Variants in C1orf87 observed in about 807,000 individuals in gnomAD.
C1orf87 encodes the protein uncharacterized protein C1orf87.
In C1orf87, 58 loss-of-function variants were observed where a neutral mutation model predicts 60.5. That is an observed-to-expected ratio of 0.96 (90% confidence interval 0.78 to 1.19). The LOEUF is 1.19. Ranked by LOEUF, C1orf87 falls within the 50% of genes most tolerant of loss-of-function variation. The pLI, the probability that C1orf87 is intolerant of heterozygous loss-of-function variation, is 0.00. For synonymous variants in C1orf87, 236 were observed against 227.4 expected (o/e 1.04, Z -0.34); for missense variants, 673 against 638.6 (o/e 1.05, Z -0.58).
At chr1:60,061,052 A>T (rs1170571724) in intron 2 of C1orf87, among the ~76,000 whole-genome samples, 3 of 152,030 alleles carry the variant, frequency 2.0e-5, no homozygotes, top group Admixed American at 2.0e-4. Context: ...TTCTATCCAT[A>T]CTCTGAGAGG....
chr1:60,031,726 G>C (rs563063389), intron 7 of C1orf87, among the ~76,000 whole-genome samples: 30 of 152,284 alleles, frequency 2.0e-4, no homozygotes, highest in African/African-American at 7.2e-4. Flanking sequence ...GAGACTCAAA[G>C]AGGTTTAGTA....
chr1:60,068,661 G>A (rs1366078106), intron 2 of C1orf87, among the ~76,000 whole-genome samples: 2 of 152,146 alleles, frequency 1.3e-5, no homozygotes, highest in African/African-American at 4.8e-5. Flanking sequence ...CAGTAATCTT[G>A]TCAATGATGA....
At chr1:60,050,041 C>T (rs1489807688) in intron 3 of C1orf87, among the ~76,000 whole-genome samples, 1 of 152,032 alleles carries the variant, frequency 6.6e-6, no homozygotes, top group Non-Finnish European at 1.5e-5. Flanking sequence ...TGGTATCTTA[C>T]CCATTATTCA....
intron 9 of C1orf87, among the ~76,000 whole-genome samples, chr1:60,004,620 A>G (rs570476850): frequency 8.3e-4 from 126 of 152,170 alleles, no homozygotes; most frequent in African/African-American, 2.9e-3. Context: ...ACCTAACAGC[A>G]TATAAAAAGG....
intron 3 of C1orf87, among the ~76,000 whole-genome samples, chr1:60,045,106 C>T (rs1397114186): frequency 1.3e-5 from 2 of 152,216 alleles, no homozygotes; most frequent in African/African-American, 2.4e-5. Context: ...ATCATCTTAA[C>T]ATTATGCAAT....
chr1:60,007,976 C>A (rs962662440), intron 9 of C1orf87, among the ~76,000 whole-genome samples: 1 of 151,978 alleles, frequency 6.6e-6, no homozygotes, highest in Admixed American at 6.6e-5. Flanking sequence ...CCCTCCTTCA[C>A]TTTGATAACA....
intron 8 of C1orf87, among the ~76,000 whole-genome samples, chr1:60,010,670 G>T (rs894897142): frequency 6.6e-6 from 1 of 151,956 alleles, no homozygotes; most frequent in Non-Finnish European, 1.5e-5. Flanking sequence ...AGAACAGAAA[G>T]TTCTAAGTCT....
intron 9 of C1orf87, among the ~76,000 whole-genome samples, chr1:60,004,624 A>G (rs987446500): frequency 6.6e-6 from 1 of 152,034 alleles, no homozygotes; most frequent in African/African-American, 2.4e-5. Flanking sequence ...AACAGCATAT[A>G]AAAAGGTAAT....
chr1:60,002,075 T>C (rs1433824225), intron 9 of C1orf87, among the ~76,000 whole-genome samples: 1 of 152,122 alleles, frequency 6.6e-6, no homozygotes, highest in African/African-American at 2.4e-5. Context: ...TCTGGGAGCC[T>C]CAGCTTTATT....
chr1:60,070,492 T>A (rs971066587), intron 2 of C1orf87, among the ~76,000 whole-genome samples: 1 of 152,174 alleles, frequency 6.6e-6, no homozygotes, highest in East Asian at 1.9e-4. Context: ...TTCTGCAGCA[T>A]GAATGACATG....
chr1:60,018,431 T>C (rs2100266901), intron 8 of C1orf87, among the ~76,000 whole-genome samples: 1 of 152,360 alleles, frequency 6.6e-6, no homozygotes, highest in Non-Finnish European at 1.5e-5. Flanking sequence ...AGAGTGTTGA[T>C]AGGATAGTAA....
At position 59,997,546 on chromosome 1, in the gene C1orf87, G is replaced by A. The variant is rs1644971527; in HGVS notation, c.1480+63C>T. The A allele has an allele frequency of 3.4e-6, 5 of 1,488,530 alleles. No homozygotes were observed. The East Asian group carries it at 9.1e-5, about 27-fold the overall frequency. 92.2% of individuals were successfully genotyped at this position (1,488,530 alleles called of 1,614,324 possible). A position where few individuals can be genotyped will look rare whatever the true frequency, so the allele number is the denominator to read the frequency against. On this transcript the variant is annotated intron_variant, in intron 11 of 11. Transcript: ENST00000371201. ...TGTTCAAGAGGCAAAAGAAAATGAG[G>A]TGCCTACTTTTAGACTAGACCACAA...
intron 8 of C1orf87, among the ~76,000 whole-genome samples, chr1:60,019,298 T>C (rs1324106406): frequency 6.6e-6 from 1 of 152,210 alleles, no homozygotes; most frequent in Non-Finnish European, 1.5e-5. Context: ...TAAGATATGC[T>C]TGCTTGCCCT....
chr1:60,040,417 G>A (rs1404013692), intron 4 of C1orf87, among the ~76,000 whole-genome samples: 1 of 152,202 alleles, frequency 6.6e-6, no homozygotes, highest in Non-Finnish European at 1.5e-5. Context: ...ACATGGTCTG[G>A]TAGAAGATGC....
chr1:60,001,101 C>T lies in C1orf87; in HGVS notation c.1248G>A (p.Met416Ile). ...CCATATGTTCAGTTTTGCTTTGAGA[C>T]ATCTCGGGGACTTCAGGCTCCATTG... ...APPMEPEVPE[M>I]SQSKTEHMKT... is the part of the protein sequence containing the mutation. The change falls in exon 10 of 12, where the codon ATG becomes ATA. Residue 416 changes from methionine to isoleucine, a missense_variant. Coordinates refer to ENST00000371201, the MANE Select transcript of C1orf87 (RefSeq NM_152377.3). 2 of 1,608,430 alleles carry T rather than the reference C, an allele frequency of 1.2e-6. No homozygotes were observed. The highest frequency in any genetic ancestry group is 1.3e-5 in the African/African-American group (1 of 74,384).
intron 9 of C1orf87, among the ~76,000 whole-genome samples, chr1:60,010,078 GC>G: frequency 6.6e-6 from 1 of 150,932 alleles, no homozygotes; most frequent in East Asian, 2.0e-4. Context: ...TTTGATCTAA[GC>G]GACTGTGCAC....
At chr1:60,060,404 C>G (rs1438342145) in intron 2 of C1orf87, among the ~76,000 whole-genome samples, 1 of 152,084 alleles carries the variant, frequency 6.6e-6, no homozygotes, top group African/African-American at 2.4e-5. Flanking sequence ...TGTTCCTCCA[C>G]CAGACCTCGA....
intron 11 of C1orf87, among the ~76,000 whole-genome samples, chr1:59,991,257 C>T (rs4915845): frequency 0.43 from 65,104 of 152,194 alleles, 14,343 homozygotes; most frequent in East Asian, 0.6. Context: ...AGCTTATTTT[C>T]AAAATGCATT....
At chr1:60,004,634 T>C (rs1468875138) in intron 9 of C1orf87, among the ~76,000 whole-genome samples, 15 of 152,064 alleles carry the variant, frequency 9.9e-5, no homozygotes, top group Admixed American at 9.8e-4. Context: ...AAAAAGGTAA[T>C]GGCTTGCACA....
Sources: gnomAD v4.1 joint callset for allele counts (sites outside exome capture counted in the v4.1 genomes callset) on GRCh38, gnomAD v4.1.1 for gene constraint, MANE v1.5 for transcripts, NCBI Gene and HGNC (gene_info 2026-07-23, HGNC 2026-07-21) for gene names.